Variants in DOCK1 observed in about 807,000 individuals in gnomAD.
DOCK1 encodes dedicator of cytokinesis 1.
DOCK1 carries 138 observed loss-of-function variants against 262.7 expected under a neutral mutation model. The ratio of observed to expected loss-of-function variants is 0.53; its 90% confidence interval spans 0.46 to 0.61. The LOEUF is 0.61. Ranked by LOEUF, DOCK1 falls within the 20% of genes least tolerant of loss-of-function variation. The pLI is 0.00. For synonymous variants in DOCK1, 866 were observed against 867.4 expected, an observed-to-expected ratio of 1.00 and a Z score of 0.03; for missense variants, 1,908 against 2,370.7, an observed-to-expected ratio of 0.80 and a Z score of 4.05.
intron 29 of DOCK1, among the ~76,000 whole-genome samples, chr10:127,331,441 C>T (rs2062977786): frequency 6.6e-6 from 1 of 152,098 alleles, no homozygotes; most frequent in African/African-American, 2.4e-5. Flanking sequence ...GCCACCATGC[C>T]CGGGTAATTT....
chr10:127,091,263 G>A (rs2047516799), intron 23 of DOCK1, among the ~76,000 whole-genome samples: 1 of 152,132 alleles, frequency 6.6e-6, no homozygotes, highest in Admixed American at 6.5e-5. Context: ...GATTACAGGC[G>A]TGAGCCACTG....
chr10:127,125,973 A>G (rs2049927865), intron 26 of DOCK1, among the ~76,000 whole-genome samples: 1 of 152,188 alleles, frequency 6.6e-6, no homozygotes, highest in African/African-American at 2.4e-5. Context: ...AAATAAATAA[A>G]TAAATAAAGC....
intron 18 of DOCK1, among the ~76,000 whole-genome samples, chr10:127,033,937 T>C (rs1211384096): frequency 6.6e-6 from 1 of 152,184 alleles, no homozygotes; most frequent in Non-Finnish European, 1.5e-5. Context: ...GCCTTAAGCC[T>C]ACTGGGGCAC....
chr10:127,344,250 C>T (rs765801151), intron 31 of DOCK1: 4 of 152,794 alleles, frequency 2.6e-5, no homozygotes, highest in African/African-American at 7.2e-5. Flanking sequence ...ATAAACCTCT[C>T]CAAAGCTCCA....
At chr10:127,372,093 G>A (rs762646766) in intron 33 of DOCK1, among the ~76,000 whole-genome samples, 4 of 152,170 alleles carry the variant, frequency 2.6e-5, no homozygotes, top group Admixed American at 1.3e-4. Context: ...GAAGAAAATT[G>A]GAGAGATTCA....
At chr10:127,381,144 A>C in intron 36 of DOCK1, 134 bp from the exon 37 acceptor site, 1 of 665,150 alleles carries the variant, frequency 1.5e-6, no homozygotes, top group Non-Finnish European at 2.2e-6. Flanking sequence ...TTTTTAAGGC[A>C]TTTTGAATTA....
intron 1 of DOCK1, among the ~76,000 whole-genome samples, chr10:126,942,824 C>T (rs2035122201): frequency 6.6e-6 from 1 of 152,226 alleles, no homozygotes; most frequent in South Asian, 2.1e-4. Flanking sequence ...ATGTTTCTTT[C>T]CAGAAAATGC....
intron 8 of DOCK1, 103 bp from the exon 9 acceptor site, chr10:126,999,251 G>C: frequency 2.4e-6 from 2 of 823,592 alleles, no homozygotes; most frequent in Non-Finnish European, 4.0e-6. Context: ...ATAGTTGTCT[G>C]TATAGTGCAC....
At chr10:126,927,212 A>G (rs1316189126) in intron 1 of DOCK1, among the ~76,000 whole-genome samples, 1 of 152,186 alleles carries the variant, frequency 6.6e-6, no homozygotes, top group African/African-American at 2.4e-5. Context: ...TGTGACCATG[A>G]TAGCAGATTT....
intron 27 of DOCK1, among the ~76,000 whole-genome samples, chr10:127,215,899 T>G (rs1045592088): frequency 6.7e-6 from 1 of 150,152 alleles, no homozygotes; most frequent in Non-Finnish European, 1.5e-5. Context: ...AGATTTCCCC[T>G]TTATTACTAA....
intron 33 of DOCK1, among the ~76,000 whole-genome samples, chr10:127,367,711 G>A (rs2064999691): frequency 6.6e-6 from 1 of 152,152 alleles, no homozygotes; most frequent in African/African-American, 2.4e-5. Flanking sequence ...ACTGTGGGCT[G>A]GGTCCATAGC....
intron 27 of DOCK1, among the ~76,000 whole-genome samples, chr10:127,151,839 T>C (rs983867287): frequency 6.6e-6 from 1 of 152,048 alleles, no homozygotes; most frequent in African/African-American, 2.4e-5. Context: ...TCATGTAGAG[T>C]GATGTTTGAG....
rs990865990 is a variant in DOCK1, at chr10:126,949,148, C to G, written c.47-21554C>G. 2.6e-5 allele frequency among the ~76,000 whole-genome samples: 4 copies of G among 152,072 alleles called. No homozygotes were observed. In the South Asian group the frequency reaches 8.3e-4, roughly 32 times the overall value. ...GCCTGGCACTCTGGGTTCCCCTCTG[C>G]ACTTGTTTGCTGATCCATCTCCATT... On this transcript the variant is annotated intron_variant, in intron 1 of 51. Coordinates refer to ENST00000623213, the MANE Select transcript of DOCK1 (RefSeq NM_001290223.2).
At chr10:127,219,913 C>CAGTCA (rs772548486) in intron 27 of DOCK1, among the ~76,000 whole-genome samples, 4 of 152,150 alleles carry the variant, frequency 2.6e-5, no homozygotes, top group Non-Finnish European at 4.4e-5. Context: ...TGTTGACTTA[C>CAGTCA]ACCCTGGCAG....
chr10:127,271,600 T>C lies in DOCK1; in HGVS notation c.3044+14171T>C, dbSNP rs2060571309. Reference sequence around the variant, plus strand: ...GGCACTTAATATTTGTCATGTGCGATTTTGTGCATTTGTGCATGGGTCTTT... The same window carrying C: ...GGCACTTAATATTTGTCATGTGCGACTTTGTGCATTTGTGCATGGGTCTTT... On this transcript the variant is annotated intron_variant, in intron 29 of 51. Coordinates refer to ENST00000623213, the MANE Select transcript of DOCK1 (RefSeq NM_001290223.2). 3.9e-5 allele frequency among the ~76,000 whole-genome samples: 6 copies of C among 152,194 alleles called. 1 individual carries two copies. The South Asian group carries it at 1.2e-3, about 31-fold the overall frequency.
chr10:127,017,512 CACACACGTGT>C (rs1565070381), intron 12 of DOCK1, among the ~76,000 whole-genome samples: 1 of 150,984 alleles, frequency 6.6e-6, no homozygotes, highest in Non-Finnish European at 1.5e-5. Flanking sequence ...CACACACAGA[CACACACGTGT>C]ACAGACACAC....
intron 27 of DOCK1, among the ~76,000 whole-genome samples, chr10:127,212,885 A>G (rs912785374): frequency 8.6e-5 from 13 of 151,884 alleles, no homozygotes; most frequent in Admixed American, 5.2e-4. Context: ...TTGCTTTTCA[A>G]TTCACGTTTG....
intron 27 of DOCK1, among the ~76,000 whole-genome samples, chr10:127,228,271 C>T (rs923099465): frequency 3.9e-5 from 6 of 152,240 alleles, no homozygotes; most frequent in Non-Finnish European, 7.4e-5. Flanking sequence ...CACCTTCCCT[C>T]GTTCCTCATG....
intron 29 of DOCK1, among the ~76,000 whole-genome samples, chr10:127,316,127 C>T (rs958549356): frequency 1.3e-5 from 2 of 152,154 alleles, no homozygotes; most frequent in African/African-American, 4.8e-5. Context: ...ACGTATCCAT[C>T]ATCTCACATA....
Sources: gnomAD v4.1 joint callset for allele counts (sites outside exome capture counted in the v4.1 genomes callset) on GRCh38, gnomAD v4.1.1 for gene constraint, MANE v1.5 for transcripts, NCBI Gene and HGNC (gene_info 2026-07-23, HGNC 2026-07-21) for gene names.